CHD9NB: variants seen among roughly 807,000 people sequenced by gnomAD.
CHD9NB encodes CHD9 neighbor.
the CHD9NB span, among the ~76,000 whole-genome samples, chr16:53,038,772 G>A: frequency 7.2e-5 from 11 of 152,174 alleles, no homozygotes; most frequent in Non-Finnish European, 1.5e-4. Flanking sequence ...GGAATTTACA[G>A]CCAAGGAGCA....
At chr16:53,051,171 G>A in the CHD9NB span, among the ~76,000 whole-genome samples, 1 of 151,784 alleles carries the variant, frequency 6.6e-6, no homozygotes, top group Non-Finnish European at 1.5e-5. Context: ...ATAGGTGTGA[G>A]CCACTGCCTC....
the CHD9NB span, chr16:53,043,061 C>G: frequency 1.3e-5 from 2 of 152,190 alleles, no homozygotes; most frequent in African/African-American, 4.8e-5. Flanking sequence ...ATCTCAGATC[C>G]CCAATTCTGT....
chr16:53,048,431 G>T, the CHD9NB span, among the ~76,000 whole-genome samples: 5 of 152,072 alleles, frequency 3.3e-5, no homozygotes, highest in East Asian at 3.9e-4. Context: ...AAAAAGGAAA[G>T]AAAATAAAAT....
the CHD9NB span, among the ~76,000 whole-genome samples, chr16:53,051,578 T>C: frequency 1.5e-5 from 2 of 135,876 alleles, no homozygotes; most frequent in Non-Finnish European, 3.0e-5. Context: ...ATGAGAACAC[T>C]TGGACACAGG....
chr16:53,039,280 A>G, the CHD9NB span, among the ~76,000 whole-genome samples: 1 of 152,140 alleles, frequency 6.6e-6, no homozygotes, highest in Non-Finnish European at 1.5e-5. Context: ...CAGTTGCCCA[A>G]ACAAGTTGAT....
At chr16:53,051,536 G>T in the CHD9NB span, among the ~76,000 whole-genome samples, 1 of 147,318 alleles carries the variant, frequency 6.8e-6, no homozygotes, top group East Asian at 2.1e-4. Context: ...ACCAAACACC[G>T]CATGTTCTCA....
At chr16:53,046,481 G>A in the CHD9NB span, among the ~76,000 whole-genome samples, 33 of 151,076 alleles carry the variant, frequency 2.2e-4, no homozygotes, top group South Asian at 4.2e-4. Flanking sequence ...GCTCAAGACC[G>A]GCCTGGCAAC....
At chr16:53,037,458 G>A in the CHD9NB span, among the ~76,000 whole-genome samples, 1 of 152,134 alleles carries the variant, frequency 6.6e-6, no homozygotes, top group East Asian at 1.9e-4. Flanking sequence ...TCATGGGATA[G>A]CCCAAAGGAA....
At chr16:53,050,119 G>A in the CHD9NB span, among the ~76,000 whole-genome samples, 3 of 151,918 alleles carry the variant, frequency 2.0e-5, no homozygotes, top group Non-Finnish European at 2.9e-5. Flanking sequence ...CAGGAGAATC[G>A]CTTGAACTGG....
chr16:53,044,329 C>T, the CHD9NB span: 2 of 395,148 alleles, frequency 5.1e-6, no homozygotes, highest in East Asian at 3.6e-5. Context: ...ATAAGGAGCC[C>T]CCTGTGGGGT....
the CHD9NB span, among the ~76,000 whole-genome samples, chr16:53,052,209 A>C: frequency 1.3e-4 from 20 of 149,490 alleles, no homozygotes; most frequent in African/African-American, 4.3e-4. Context: ...AAAAAAAAAA[A>C]AACAATAAAC....
the CHD9NB span, among the ~76,000 whole-genome samples, chr16:53,039,140 C>G: frequency 2.0e-5 from 3 of 152,188 alleles, no homozygotes; most frequent in Admixed American, 2.0e-4. Flanking sequence ...CTAAGTGGAT[C>G]TGATTTACTC....
chr16:53,051,073 G>A, the CHD9NB span, among the ~76,000 whole-genome samples: 2 of 151,980 alleles, frequency 1.3e-5, no homozygotes, highest in Non-Finnish European at 2.9e-5. Flanking sequence ...ATTTTTAGTA[G>A]AGACAGGGTT....
the CHD9NB span, chr16:53,036,076 T>A: frequency 6.6e-6 from 1 of 152,176 alleles, no homozygotes; most frequent in Non-Finnish European, 1.5e-5. Flanking sequence ...TAGGTCACAT[T>A]CAAAGGTCCC....
chr16:53,045,829 C>A, the CHD9NB span, among the ~76,000 whole-genome samples: 1 of 152,138 alleles, frequency 6.6e-6, no homozygotes, highest in Non-Finnish European at 1.5e-5. Context: ...CCTGGGGTCA[C>A]AAACCTGGTA....
chr16:53,046,312 G>A, the CHD9NB span, among the ~76,000 whole-genome samples: 1 of 152,082 alleles, frequency 6.6e-6, no homozygotes, highest in Non-Finnish European at 1.5e-5. Flanking sequence ...CTAGGATTGT[G>A]CATGGACCAG....
chr16:53,038,539 C>A, the CHD9NB span, among the ~76,000 whole-genome samples: 1 of 152,090 alleles, frequency 6.6e-6, no homozygotes, highest in African/African-American at 2.4e-5. Flanking sequence ...TTAGTAGAGA[C>A]GAGGTTTTGC....
At chr16:53,044,083 C>G in the CHD9NB span, 2 of 398,646 alleles carry the variant, frequency 5.0e-6, no homozygotes, top group South Asian at 1.3e-4. Flanking sequence ...AGACCTGGCT[C>G]TCTTCCCTCG....
the CHD9NB span, among the ~76,000 whole-genome samples, chr16:53,041,794 AT>A: frequency 6.6e-6 from 1 of 151,610 alleles, no homozygotes; most frequent in Non-Finnish European, 1.5e-5. Flanking sequence ...AAAAAAAAAA[AT>A]TGAAAGGAGT....
Sources: gnomAD v4.1 joint callset for allele counts (sites outside exome capture counted in the v4.1 genomes callset) on GRCh38, gnomAD v4.1.1 for gene constraint, MANE v1.5 for transcripts, NCBI Gene and HGNC (gene_info 2026-07-23, HGNC 2026-07-21) for gene names.